HPSE2: variants seen among roughly 807,000 people sequenced by gnomAD.
HPSE2 encodes the protein heparanase 2 (inactive), also known as inactive heparanase-2.
Under a neutral mutation model 60.5 loss-of-function variants are expected in HPSE2, and 38 were observed. The ratio of observed to expected loss-of-function variants is 0.63; its 90% CI spans 0.48 to 0.82. HPSE2 has a LOEUF of 0.82. HPSE2 is among the 40% of genes least tolerant of loss of function. HPSE2 has a pLI of 0.00. For missense variants in HPSE2, 713 were observed against 740.4 expected, an observed-to-expected ratio of 0.96 and a Z score of 0.43; for synonymous variants, 295 against 293.2, an observed-to-expected ratio of 1.01 and a Z score of -0.06.
chr10:99,307,689 C>G, the HPSE2 span, among the ~76,000 whole-genome samples: 1 of 152,146 alleles, frequency 6.6e-6, no homozygotes. Context: ...CATGTTAAAC[C>G]CAGGATCCTT....
At chr10:98,478,449 C>G (rs1050236950) in intron 11 of HPSE2, among the ~76,000 whole-genome samples, 9 of 152,194 alleles carry the variant, frequency 5.9e-5, no homozygotes, top group African/African-American at 2.2e-4. Context: ...CAAAGGGAAG[C>G]TATAATCTCT....
intron 9 of HPSE2, among the ~76,000 whole-genome samples, chr10:98,554,888 C>T (rs1177250335): frequency 6.6e-6 from 1 of 152,132 alleles, no homozygotes; most frequent in African/African-American, 2.4e-5. Context: ...TTAATTTTTG[C>T]AGTATCTGTA....
chr10:98,537,092 G>A (rs1211491986), intron 9 of HPSE2, among the ~76,000 whole-genome samples: 1 of 152,240 alleles, frequency 6.6e-6, no homozygotes, highest in Non-Finnish European at 1.5e-5. Context: ...ATAAGTTAAG[G>A]AGACTTGGGG....
At chr10:99,249,342 T>C in the HPSE2 span, among the ~76,000 whole-genome samples, 2 of 152,302 alleles carry the variant, frequency 1.3e-5, no homozygotes, top group South Asian at 2.1e-4. Context: ...ATATGAGACA[T>C]GGAGTCAAAG....
chr10:99,314,865 G>T, the HPSE2 span, among the ~76,000 whole-genome samples: 2 of 152,160 alleles, frequency 1.3e-5, no homozygotes, highest in African/African-American at 4.8e-5. Flanking sequence ...ATCCCATGGT[G>T]ATCTATGATT....
intron 6 of HPSE2, among the ~76,000 whole-genome samples, chr10:98,679,366 A>G (rs1184199229): frequency 6.6e-6 from 1 of 152,064 alleles, no homozygotes; most frequent in Non-Finnish European, 1.5e-5. Context: ...TTTCATTCTC[A>G]CCTCTCATGA....
intron 3 of HPSE2, among the ~76,000 whole-genome samples, chr10:98,831,700 C>T (rs990532885): frequency 6.6e-6 from 1 of 152,162 alleles, no homozygotes; most frequent in Non-Finnish European, 1.5e-5. Flanking sequence ...GCAAATTCCA[C>T]AGCCACAGGT....
At chr10:98,595,731 A>G (rs1945217399) in intron 9 of HPSE2, among the ~76,000 whole-genome samples, 1 of 152,158 alleles carries the variant, frequency 6.6e-6, no homozygotes, top group South Asian at 2.1e-4. Flanking sequence ...AGGACTTCCA[A>G]TACTATGTTG....
At chr10:98,881,219 T>C (rs963459660) in intron 3 of HPSE2, among the ~76,000 whole-genome samples, 1 of 152,094 alleles carries the variant, frequency 6.6e-6, no homozygotes, top group Non-Finnish European at 1.5e-5. Flanking sequence ...GGGAGGTTTA[T>C]TCTTGCTGGA....
At chr10:99,205,798 C>T (rs1848726274) in intron 2 of HPSE2, among the ~76,000 whole-genome samples, 1 of 152,226 alleles carries the variant, frequency 6.6e-6, no homozygotes, top group Non-Finnish European at 1.5e-5. Flanking sequence ...CCTGCTATTG[C>T]TAAGTAGTAA....
chr10:99,022,939 G>C (rs1043718847), intron 3 of HPSE2, among the ~76,000 whole-genome samples: 1 of 152,092 alleles, frequency 6.6e-6, no homozygotes, highest in Non-Finnish European at 1.5e-5. Context: ...TGGCTACAAG[G>C]TAAAACACCC....
intron 3 of HPSE2, among the ~76,000 whole-genome samples, chr10:98,974,239 A>C (rs779824644): frequency 6.6e-6 from 1 of 152,114 alleles, no homozygotes; most frequent in Non-Finnish European, 1.5e-5. Flanking sequence ...CAATGAGCTG[A>C]GATCGTACCA....
chr10:98,517,910 C>T (rs1487728750), intron 9 of HPSE2, among the ~76,000 whole-genome samples: 1 of 152,214 alleles, frequency 6.6e-6, no homozygotes, highest in East Asian at 1.9e-4. Flanking sequence ...CTGGCACAGG[C>T]CTGGTTGTTA....
intron 3 of HPSE2, among the ~76,000 whole-genome samples, chr10:99,103,213 T>C (rs1393927897): frequency 6.6e-6 from 1 of 152,212 alleles, no homozygotes; most frequent in African/African-American, 2.4e-5. Context: ...GCAGATGACA[T>C]GATTGTATAT....
At chr10:98,956,599 C>T (rs993557332) in intron 3 of HPSE2, among the ~76,000 whole-genome samples, 2 of 152,110 alleles carry the variant, frequency 1.3e-5, no homozygotes, top group Admixed American at 1.3e-4. Flanking sequence ...AGCTCAGCCA[C>T]CACATTAGGT....
Position 98,509,923 on chromosome 10 carries a change from T to C in HPSE2, c.1321-19727A>G, listed in dbSNP as rs114184579. On this transcript the variant is annotated intron_variant, in intron 9 of 11. Coordinates refer to ENST00000370552, the MANE Select transcript of HPSE2 (RefSeq NM_021828.5). ...GCCCCTCCTATCCCAACCTCAGCCATAAAAGCTTAGTGCTATCAAGCTCTG... is the reference window on the plus strand; with the variant it reads ...GCCCCTCCTATCCCAACCTCAGCCACAAAAGCTTAGTGCTATCAAGCTCTG... Among the ~76,000 whole-genome samples, 318 of 152,004 alleles carry C rather than the reference T, an allele frequency of 2.1e-3. 1 individual carries two copies. Among genetic ancestry groups the C allele is most frequent in the African/African-American group, 7.3e-3 (304 of 41,454 alleles).
At chr10:99,110,996 A>G (rs1313777529) in intron 3 of HPSE2, among the ~76,000 whole-genome samples, 4 of 152,190 alleles carry the variant, frequency 2.6e-5, no homozygotes. Flanking sequence ...TGAAAGATAT[A>G]AAGTCTGTTT....
chr10:98,576,243 T>G (rs1212519847), intron 9 of HPSE2, among the ~76,000 whole-genome samples: 1 of 152,078 alleles, frequency 6.6e-6, no homozygotes, highest in Non-Finnish European at 1.5e-5. Context: ...ATAAAAATTC[T>G]GGCATATGAG....
chr10:99,083,117 A>T (rs1238135390), intron 3 of HPSE2, among the ~76,000 whole-genome samples: 1 of 152,192 alleles, frequency 6.6e-6, no homozygotes, highest in Non-Finnish European at 1.5e-5. Flanking sequence ...GCAACCAGAC[A>T]TGTTTCATTT....
Sources: allele counts gnomAD v4.1 joint callset (sites outside exome capture counted in the v4.1 genomes callset), GRCh38; gene constraint gnomAD v4.1.1; transcripts MANE v1.5; gene names NCBI Gene and HGNC (gene_info 2026-07-23, HGNC 2026-07-21).